ADGRG4: variants seen among roughly 807,000 people sequenced by gnomAD.
ADGRG4 encodes adhesion G protein-coupled receptor G4.
A neutral mutation model predicts 126.2 loss-of-function variants in ADGRG4; 122 were observed. That is an observed-to-expected ratio of 0.97 (90% CI 0.83 to 1.12). The LOEUF (loss-of-function observed/expected upper bound fraction) is 1.12. Among genes scored for constraint, ADGRG4 ranks in the 50% most tolerant of loss-of-function variants. The pLI is 0.00. For synonymous variants in ADGRG4, 943 were observed against 838.7 expected (o/e 1.12, Z -2.15); for missense variants, 2,481 against 2,251.8 (o/e 1.10, Z -2.06).
In ADGRG4 at chrX:136,345,759, G is replaced by A. The variant is rs2075011704; in HGVS notation, c.2053G>A (p.Ala685Thr). 8 of 1,210,250 alleles carry A rather than the reference G, an allele frequency of 6.6e-6. No homozygotes were observed. The highest frequency in any genetic ancestry group is 7.8e-6 in the Non-Finnish European group (7 of 894,327). ...TFVPNENFTS[A>T]FHENTTYTEY... The stretch of plus-strand genomic sequence containing the variant: ...TGTGCCTAATGAAAATTTTACATCA[G>A]CATTTCATGAGAATACTACTTATAC... The change falls in exon 6 of 26, where the codon GCA becomes ACA. Residue 685 changes from alanine to threonine, a missense_variant. Ala to Thr is a moderately conservative substitution (Grantham distance 58). Coordinates refer to ENST00000394143, the MANE Select transcript of ADGRG4 (RefSeq NM_153834.4).
intron 13 of ADGRG4, among the ~76,000 whole-genome samples, chrX:136,366,696 A>G (rs1249013741): frequency 1.8e-5 from 2 of 112,094 alleles, no homozygotes; most frequent in East Asian, 5.6e-4. Flanking sequence ...TCCAGCATTT[A>G]GTGTTGTCAG....
chrX:136,396,228 C>A (rs1034403022), intron 19 of ADGRG4, among the ~76,000 whole-genome samples: 2 of 109,202 alleles, frequency 1.8e-5, no homozygotes, highest in African/African-American at 6.7e-5. Context: ...TTTCTCTACC[C>A]GCATCAGAAT....
In ADGRG4 at chrX:136,351,575, T is replaced by C. The variant is rs1478843067; in HGVS notation, c.6822+34T>C. 7.4e-6 allele frequency: 5 copies of C among 673,310 alleles called. No individual in the cohort carries two copies. The Admixed American group carries it at 1.2e-4, about 17-fold the overall frequency. The allele number at this position is 673,310 out of a possible 1,213,427, so 55.5% of individuals were successfully genotyped here. On this transcript the variant is annotated intron_variant, in intron 7 of 25. Coordinates refer to ENST00000394143, the MANE Select transcript of ADGRG4 (RefSeq NM_153834.4). Reference sequence around the variant, plus strand: ...ATCTTTTGCATATTTATGGCATATATAAATATATGTGAATATATACATTTA... The same window carrying C: ...ATCTTTTGCATATTTATGGCATATACAAATATATGTGAATATATACATTTA...
chrX:136,387,599 G>C (rs2075298614), intron 15 of ADGRG4, 141 bp from the exon 16 acceptor site: 1 of 500,452 alleles, frequency 2.0e-6, no homozygotes, highest in Non-Finnish European at 3.4e-6. Context: ...TGTGTGAAAA[G>C]TGTATCATCG....
rs770120784 is a variant in ADGRG4, at chrX:136,350,236, C to G, written c.6530C>G (p.Ser2177Cys). ...ATTATTCCTAAGCCCACACTGGACT[C>G]CCTTCTAAATATAATGACTACTACA... Reference protein sequence around the residue: ...TLIIPKPTLDSLLNIMTTTST... With the variant: ...TLIIPKPTLDCLLNIMTTTST... Residue 2177 changes from serine to cysteine, a missense_variant, in exon 6 of 26, where the codon TCC (serine) becomes TGC (cysteine). By Grantham distance (112) the Ser-to-Cys change is moderately radical (BLOSUM62 -1). Coordinates refer to ENST00000394143, the MANE Select transcript of ADGRG4 (RefSeq NM_153834.4). The G allele has an allele frequency of 6.6e-6, 8 of 1,205,615 alleles. No individual in the cohort carries two copies. The East Asian group carries it at 2.1e-4, about 31-fold the overall frequency.
Position 136,412,380 on chromosome X carries a change from T to G in ADGRG4, c.9037+14T>G, listed in dbSNP as rs1008700725. Reference sequence around the variant, plus strand: ...ATAACTCTTCTGGTAAGATGTCAGTTTGGATGAAGTTTTGAATATTACATG... The same window carrying G: ...ATAACTCTTCTGGTAAGATGTCAGTGTGGATGAAGTTTTGAATATTACATG... On this transcript the variant is annotated intron_variant, in intron 24 of 25. Transcript: ENST00000394143. The G allele has an allele frequency of 9.6e-7, 1 of 1,040,013 alleles. No homozygotes were observed. Among genetic ancestry groups the G allele is most frequent in the Non-Finnish European group, 1.4e-6 (1 of 740,264 alleles). 85.7% of individuals were successfully genotyped at this position (1,040,013 alleles called of 1,213,427 possible).
At chrX:136,342,616 G>T (rs1042273646) in intron 5 of ADGRG4, among the ~76,000 whole-genome samples, 4 of 110,667 alleles carry the variant, frequency 3.6e-5, no homozygotes. Context: ...CTGAAGAATT[G>T]GCAGAAGTTA....
intron 12 of ADGRG4, among the ~76,000 whole-genome samples, chrX:136,362,894 T>C (rs775701195): frequency 1.1e-3 from 124 of 111,399 alleles, no homozygotes; most frequent in Non-Finnish European, 1.8e-3. Context: ...TAATTACAAG[T>C]TCCTTGAGGG....
At chrX:136,326,697 G>T (rs892904964) in intron 5 of ADGRG4, among the ~76,000 whole-genome samples, 1 of 111,003 alleles carries the variant, frequency 9.0e-6, no homozygotes, top group East Asian at 2.8e-4. Context: ...TTTCGATTTT[G>T]GCTGTATGGT....
At chrX:136,324,433 AG>A (rs958473483) in intron 5 of ADGRG4, among the ~76,000 whole-genome samples, 5 of 110,714 alleles carry the variant, frequency 4.5e-5, no homozygotes, top group African/African-American at 1.6e-4. Flanking sequence ...TTTAAGACAC[AG>A]GGTCTCACTC....
At chrX:136,342,669 A>G (rs1178182210) in intron 5 of ADGRG4, among the ~76,000 whole-genome samples, 2 of 110,214 alleles carry the variant, frequency 1.8e-5, no homozygotes, top group Non-Finnish European at 3.8e-5. Flanking sequence ...AGTAGAGGTT[A>G]CAGCAAATGC....
chrX:136,370,863 C>T (rs1286331567), intron 13 of ADGRG4, among the ~76,000 whole-genome samples: 1 of 111,346 alleles, frequency 9.0e-6, no homozygotes, highest in African/African-American at 3.3e-5. Flanking sequence ...AAATTAACTG[C>T]TTTTTATTAT....
chrX:136,398,089 C>T (rs1356006304), intron 20 of ADGRG4, 87 bp downstream of exon 20: 1 of 857,373 alleles, frequency 1.2e-6, no homozygotes, highest in Non-Finnish European at 1.7e-6. Context: ...TTCATGAACA[C>T]ATCACAATAG....
At chrX:136,366,345 A>G (rs774278486) in intron 13 of ADGRG4, among the ~76,000 whole-genome samples, 3 of 111,903 alleles carry the variant, frequency 2.7e-5, no homozygotes, top group Non-Finnish European at 5.6e-5. Flanking sequence ...AATTTCTTCC[A>G]TGTGTCTTTT....
chrX:136,387,991 C>A, intron 16 of ADGRG4, 117 bp downstream of exon 16: 1 of 667,846 alleles, frequency 1.5e-6, no homozygotes, highest in Non-Finnish European at 2.3e-6. Flanking sequence ...ATTGATTCCA[C>A]AAGTCTTCCA....
chrX:136,327,723 T>C (rs1038320629), intron 5 of ADGRG4, among the ~76,000 whole-genome samples: 2 of 110,634 alleles, frequency 1.8e-5, no homozygotes, highest in East Asian at 5.6e-4. Context: ...TATATCTTGG[T>C]ACGTTTAGGT....
intron 10 of ADGRG4, among the ~76,000 whole-genome samples, 194 bp from the exon 11 acceptor site, chrX:136,359,097 TA>T (rs1368792228): frequency 8.9e-6 from 1 of 112,721 alleles, no homozygotes; most frequent in East Asian, 2.8e-4. Flanking sequence ...CTGTTTTGGA[TA>T]AGAGAAAATT....
chrX:136,331,806 A>G (rs1245462856), intron 5 of ADGRG4, among the ~76,000 whole-genome samples: 3 of 108,995 alleles, frequency 2.8e-5, no homozygotes, highest in Non-Finnish European at 5.7e-5. Flanking sequence ...GAAAGTAAAA[A>G]AATATATTCT....
At chrX:136,372,057 CA>C (rs2075197851) in intron 14 of ADGRG4, among the ~76,000 whole-genome samples, 1 of 111,634 alleles carries the variant, frequency 9.0e-6, no homozygotes, top group Non-Finnish European at 1.9e-5. Context: ...AGGATGTATT[CA>C]AATTCGAATT....
Sources: gnomAD v4.1 joint callset for allele counts (sites outside exome capture counted in the v4.1 genomes callset) on GRCh38, gnomAD v4.1.1 for gene constraint, MANE v1.5 for transcripts, NCBI Gene and HGNC (gene_info 2026-07-23, HGNC 2026-07-21) for gene names.